The following ZFP82 variants were observed in gnomAD, a reference collection of about 807,000 sequenced individuals.
ZFP82 encodes the protein ZFP82 zinc finger protein.
In ZFP82, 30 loss-of-function variants were observed where a neutral mutation model predicts 54.0. The observed-to-expected ratio is 0.56, with a 90% CI of 0.42 to 0.75. ZFP82 has a LOEUF of 0.75. Ranked by LOEUF, ZFP82 falls within the 30% of genes least tolerant of loss-of-function variation. ZFP82 has a pLI of 0.00. For missense variants in ZFP82, 500 were observed against 636.8 expected, an observed-to-expected ratio of 0.79 and a Z score of 2.31; for synonymous variants, 194 against 209.5, an observed-to-expected ratio of 0.93 and a Z score of 0.64.
rs74363408 is a variant in ZFP82 at position 36,416,198 on chromosome 19, G to A, written c.-79+2294C>T. On this transcript the variant is annotated intron_variant, in intron 1 of 4. Transcript: ENST00000392161. ...ATGGCAAAAAGCTGCATCACATGGA[G>A]TGTGGCTTATTTAATCATTTCCTAC... 3.5e-3 allele frequency among the ~76,000 whole-genome samples: 533 copies of A among 152,260 alleles called. 2 individuals carry two copies. The highest frequency in any genetic ancestry group is 0.012 in the African/African-American group (512 of 41,556).
rs34929021 is a variant in ZFP82, at chr19:36,389,043, C to CTT, written c.*3696_*3697dup. ...TACAATTTCAGACTTGATTTTCTTTCTTTTTTTTTTTTTTTGAGATGGAGT... is the reference window on the plus strand; with the variant it reads ...TACAATTTCAGACTTGATTTTCTTTCTTTTTTTTTTTTTTTTTGAGATGGAGT... On this transcript the variant is annotated 3_prime_UTR_variant, in exon 5 of 5. Transcript: ENST00000392161. Among the ~76,000 whole-genome samples, 20 of 134,610 alleles carry CTT rather than the reference C, an allele frequency of 1.5e-4. No individual in the cohort carries two copies. Among genetic ancestry groups the CTT allele is most frequent in the African/African-American group, 5.3e-4 (19 of 35,688 alleles). The allele number at this position is 134,610 out of a possible 152,430, so 88.3% of individuals were successfully genotyped here. A position where few individuals can be genotyped will look rare whatever the true frequency, so the allele number is the denominator to read the frequency against.
rs1173890771 is a variant in ZFP82 at position 36,390,534 on chromosome 19, G to A, written c.*2207C>T. 2 of 151,912 alleles carry A rather than the reference G, an allele frequency of 1.3e-5. No individual in the cohort carries two copies. The highest frequency in any genetic ancestry group is 3.9e-4 in the East Asian group (2 of 5,154). The allele number at this position is 151,912 out of a possible 1,614,324, so 9.4% of individuals were successfully genotyped here. ...TTGGGGGAGCCAAGAAAACTTCACA[G>A]GTGTCCACTGTGTGTATCCATTTCA... On this transcript the variant is annotated 3_prime_UTR_variant, in exon 5 of 5. Transcript: ENST00000392161.
At chr19:36,384,482 T>G (rs1568479656), downstream of ZFP82, 1 of 152,198 alleles carries the variant, frequency 6.6e-6, no homozygotes, top group Non-Finnish European at 1.5e-5. Context: ...GAATGGGAGT[T>G]CTATGGTGAA....
chr19:36,400,291 T>G (rs986296768), intron 4 of ZFP82, among the ~76,000 whole-genome samples: 2 of 152,256 alleles, frequency 1.3e-5, no homozygotes, highest in African/African-American at 2.4e-5. Context: ...TTACTCTATT[T>G]GGGCACTGTA....
At chr19:36,395,223 A>T (rs2032273391) in intron 4 of ZFP82, 1 of 152,202 alleles carries the variant, frequency 6.6e-6, no homozygotes, top group Admixed American at 6.5e-5. Flanking sequence ...TCTCTACACC[A>T]TAGCAAAGGT....
downstream of ZFP82, among the ~76,000 whole-genome samples, chr19:36,386,010 G>T (rs1420864178): frequency 6.6e-6 from 1 of 152,248 alleles, no homozygotes; most frequent in Non-Finnish European, 1.5e-5. Flanking sequence ...GTGTTTAGGA[G>T]TGCAAACCAA....
At position 36,388,723 on chromosome 19, in the gene ZFP82, G is replaced by A. The variant is rs1463459537; in HGVS notation, c.*4018C>T. Among the ~76,000 whole-genome samples the A allele has an allele frequency of 6.6e-6, 1 of 152,016 alleles. No individual in the cohort carries two copies. The highest frequency in any genetic ancestry group is 2.4e-5 in the African/African-American group (1 of 41,400). On this transcript the variant is annotated 3_prime_UTR_variant, in exon 5 of 5. Transcript: ENST00000392161. ...TTTTCAAAGAGAATATCCTTAGTCT[G>A]TTATTTTATTAACTATTCCATTAAT...
chr19:36,385,596 G>A (rs1157028460), downstream of ZFP82, among the ~76,000 whole-genome samples: 2 of 152,130 alleles, frequency 1.3e-5, no homozygotes, highest in African/African-American at 2.4e-5. Flanking sequence ...AGAGCTGTAT[G>A]GAAAGTCTGA....
intron 4 of ZFP82, among the ~76,000 whole-genome samples, chr19:36,396,259 G>C (rs1396018541): frequency 6.6e-6 from 1 of 152,066 alleles, no homozygotes; most frequent in Non-Finnish European, 1.5e-5. Flanking sequence ...GCTCACACCT[G>C]TAATCCCAGC....
intron 1 of ZFP82, among the ~76,000 whole-genome samples, chr19:36,413,589 C>A (rs1416035065): frequency 6.6e-6 from 1 of 152,048 alleles, no homozygotes; most frequent in Non-Finnish European, 1.5e-5. Context: ...GGGAGTCAGA[C>A]TAAAAGAATA....
chr19:36,388,609 C>A (rs999665570), downstream of ZFP82, among the ~76,000 whole-genome samples: 16 of 151,680 alleles, frequency 1.1e-4, no homozygotes, highest in African/African-American at 3.6e-4. Context: ...TTTAAAAAAA[C>A]CTCATTATGT....
At chr19:36,394,277 T>C in intron 4 of ZFP82, 167 bp from the exon 5 acceptor site, 1 of 636,776 alleles carries the variant, frequency 1.6e-6, no homozygotes, top group African/African-American at 1.8e-5. Flanking sequence ...TCAGGAAAAA[T>C]GAGAGTTCAT....
chr19:36,388,921 A>G lies in ZFP82; in HGVS notation c.*3820T>C, dbSNP rs2032147996. On this transcript the variant is annotated 3_prime_UTR_variant, in exon 5 of 5. Coordinates refer to ENST00000392161, the MANE Select transcript of ZFP82 (RefSeq NM_133466.4). ...TTATTTCTCAATCCAGATGTTCTAA[A>G]TGCATTGCTTTAAATTTTCTACCAA... 6.6e-6 allele frequency among the ~76,000 whole-genome samples: 1 copy of G among 152,184 alleles called. No homozygotes were observed. Among genetic ancestry groups the G allele is most frequent in the Admixed American group, 6.5e-5 (1 of 15,276 alleles).
At chr19:36,395,762 T>C (rs2032282926) in intron 4 of ZFP82, 1 of 152,154 alleles carries the variant, frequency 6.6e-6, no homozygotes, top group Non-Finnish European at 1.5e-5. Context: ...ATAGACATTT[T>C]CTACTAAAAC....
At chr19:36,396,655 C>CA (rs911615294) in intron 4 of ZFP82, among the ~76,000 whole-genome samples, 54 of 149,438 alleles carry the variant, frequency 3.6e-4, no homozygotes, top group Non-Finnish European at 4.0e-4. Flanking sequence ...GACTCCATCT[C>CA]AAAAAAAAAT....
chr19:36,408,134 C>A, intron 2 of ZFP82, 121 bp from the exon 3 acceptor site: 1 of 1,105,758 alleles, frequency 9.0e-7, no homozygotes, highest in South Asian at 1.6e-5. Flanking sequence ...CAGGCTTGGG[C>A]TGGAAGCCTG....
chr19:36,395,530 CAT>C (rs1291118986), intron 4 of ZFP82: 1 of 152,132 alleles, frequency 6.6e-6, no homozygotes, highest in African/African-American at 2.4e-5. Context: ...CTGTTGCAGT[CAT>C]CTGAATGTGA....
intron 1 of ZFP82, among the ~76,000 whole-genome samples, chr19:36,415,152 A>C (rs779771338): frequency 2.3e-4 from 35 of 152,212 alleles, no homozygotes; most frequent in Non-Finnish European, 4.8e-4. Flanking sequence ...AGTGTTGCAG[A>C]GTCTTTGTCT....
chr19:36,395,494 T>C (rs2032278105), intron 4 of ZFP82: 1 of 152,072 alleles, frequency 6.6e-6, no homozygotes, highest in South Asian at 2.1e-4. Flanking sequence ...CTCAGAAATG[T>C]GGAAAAAAGT....
Sources: gnomAD v4.1 joint callset for allele counts (sites outside exome capture counted in the v4.1 genomes callset) on GRCh38, gnomAD v4.1.1 for gene constraint, MANE v1.5 for transcripts, NCBI Gene and HGNC (gene_info 2026-07-23, HGNC 2026-07-21) for gene names.